The following ARHGAP24 variants were observed in gnomAD, a reference collection of about 807,000 sequenced individuals.
ARHGAP24 encodes rho GTPase-activating protein 24.
In ARHGAP24, 50 loss-of-function variants were observed where a neutral mutation model predicts 76.4. That is an observed-to-expected ratio of 0.65 (90% confidence interval 0.52 to 0.83). The LOEUF (loss-of-function observed/expected upper bound fraction) is 0.83. ARHGAP24 is among the 40% of genes least tolerant of loss of function. The probability of loss-of-function intolerance (pLI) is 0.00; values close to 1 mark genes in which losing one functional copy is unlikely to be tolerated. For synonymous variants in ARHGAP24, 345 were observed against 323.3 expected (o/e 1.07, Z -0.72); for missense variants, 930 against 914.2 (o/e 1.02, Z -0.22).
intron 2 of ARHGAP24, among the ~76,000 whole-genome samples, chr4:85,582,426 C>T (rs1305199595): frequency 6.6e-6 from 1 of 151,982 alleles, no homozygotes; most frequent in Non-Finnish European, 1.5e-5. Flanking sequence ...ACTCTTTAAA[C>T]TGCTTGAGAA....
At chr4:85,797,272 A>C (rs1400142218) in intron 3 of ARHGAP24, among the ~76,000 whole-genome samples, 1 of 151,696 alleles carries the variant, frequency 6.6e-6, no homozygotes, top group Non-Finnish European at 1.5e-5. Context: ...TCCCGGGTTC[A>C]CGCCATTCTC....
chr4:85,636,214 T>C (rs1419936017), intron 2 of ARHGAP24, among the ~76,000 whole-genome samples: 3 of 151,900 alleles, frequency 2.0e-5, no homozygotes, highest in African/African-American at 7.2e-5. Flanking sequence ...TCTCTCTTTA[T>C]TGCCTTCTCA....
At chr4:85,862,698 T>A (rs1402408364) in intron 3 of ARHGAP24, among the ~76,000 whole-genome samples, 3 of 152,126 alleles carry the variant, frequency 2.0e-5, no homozygotes, top group African/African-American at 7.2e-5. Flanking sequence ...AATGCAACTC[T>A]ATGTGCACTC....
intron 3 of ARHGAP24, among the ~76,000 whole-genome samples, chr4:85,853,179 A>G (rs1731336359): frequency 6.6e-6 from 1 of 152,174 alleles, no homozygotes; most frequent in Non-Finnish European, 1.5e-5. Flanking sequence ...AGCCTCAGCA[A>G]TGGTGGACGC....
intron 1 of ARHGAP24, among the ~76,000 whole-genome samples, chr4:85,483,599 C>T (rs1365027094): frequency 2.7e-5 from 4 of 150,674 alleles, no homozygotes; most frequent in African/African-American, 4.9e-5. Context: ...GCAACAAGAG[C>T]GAAACTCCAT....
chr4:85,926,425 A>G (rs749319416), intron 4 of ARHGAP24, among the ~76,000 whole-genome samples: 2 of 152,168 alleles, frequency 1.3e-5, no homozygotes, highest in Non-Finnish European at 2.9e-5. Context: ...ATCCTTTGTG[A>G]TTTCTCTGAA....
chr4:85,565,448 T>C (rs80052743), intron 1 of ARHGAP24, among the ~76,000 whole-genome samples: 2,209 of 152,256 alleles, frequency 0.015, 61 homozygotes, highest in African/African-American at 0.05. Context: ...CTTTGACTGA[T>C]TGAGGGGACA....
chr4:85,677,046 T>TG (rs141693676), intron 2 of ARHGAP24, among the ~76,000 whole-genome samples: 2,460 of 152,258 alleles, frequency 0.016, 75 homozygotes, highest in African/African-American at 0.057. Context: ...GCACTCACAC[T>TG]GGGGGAAAAC....
At chr4:85,513,561 A>T (rs540697309) in intron 1 of ARHGAP24, among the ~76,000 whole-genome samples, 286 of 150,870 alleles carry the variant, frequency 1.9e-3, no homozygotes, top group Middle Eastern at 0.017. Flanking sequence ...CTTTTTTTTA[A>T]AAAAAAAAGC....
At chr4:85,476,739 T>G (rs1291978084) in intron 1 of ARHGAP24, among the ~76,000 whole-genome samples, 1 of 152,212 alleles carries the variant, frequency 6.6e-6, no homozygotes, top group East Asian at 1.9e-4. Context: ...TGGATGACGC[T>G]ATTGAACTGG....
chr4:85,827,636 C>T (rs1408063762), intron 3 of ARHGAP24: 1 of 212,128 alleles, frequency 4.7e-6, no homozygotes, highest in African/African-American at 2.3e-5. Flanking sequence ...TTCAGAATCT[C>T]GAAAGGCAAG....
chr4:85,995,570 G>A lies in ARHGAP24; in HGVS notation c.1916G>A (p.Ser639Asn), dbSNP rs200213078. ...GAGACATTTGTGGGCAACAGCAGCA[G>A]CAACCACAGTGCACTGCACAGTTTA... ...NSETFVGNSS[S>N]NHSALHSLVS... Residue 639 changes from serine (S) to asparagine (N), a missense_variant, in exon 9 of 10, where the codon AGC becomes AAC. Physicochemically the swap from Ser to Asn is conservative, Grantham distance 46. Transcript: ENST00000395184. 206 of 1,613,448 alleles carry A rather than the reference G, an allele frequency of 1.3e-4. 2 individuals carry two copies. In the Admixed American group the frequency reaches 3.4e-3, roughly 27 times the overall value.
chr4:85,495,644 G>T (rs545532461), intron 1 of ARHGAP24, among the ~76,000 whole-genome samples: 336 of 152,154 alleles, frequency 2.2e-3, no homozygotes, highest in African/African-American at 7.7e-3. Context: ...GAGCCACCGT[G>T]CCTGGCCCAG....
rs187754952 is a variant in ARHGAP24, at chr4:85,855,693, G to C, written c.269-67955G>C. Among the ~76,000 whole-genome samples, 611 of 151,794 alleles carry C rather than the reference G, an allele frequency of 4.0e-3. 4 individuals carry two copies. Among genetic ancestry groups the C allele is most frequent in the Middle Eastern group, 6.8e-3 (2 of 292 alleles). ...CTCGGGAGGCTGAGGCAGGAGAATG[G>C]CTTGAACCCAGGAGGTGGAGGTTGC... On this transcript the variant is annotated intron_variant, in intron 3 of 9. Transcript: ENST00000395184.
chr4:85,980,936 A>G (rs539452511), intron 8 of ARHGAP24, among the ~76,000 whole-genome samples: 50 of 152,310 alleles, frequency 3.3e-4, no homozygotes, highest in African/African-American at 1.2e-3. Context: ...CATATTCTTC[A>G]CCACCACGCA....
chr4:85,672,329 T>G (rs1194200356), intron 2 of ARHGAP24, among the ~76,000 whole-genome samples: 1 of 152,216 alleles, frequency 6.6e-6, no homozygotes, highest in Non-Finnish European at 1.5e-5. Context: ...TTAACTTCTG[T>G]TTCCTTTTAG....
intron 2 of ARHGAP24, among the ~76,000 whole-genome samples, chr4:85,701,855 G>A (rs187826939): frequency 6.6e-6 from 1 of 152,022 alleles, no homozygotes; most frequent in Non-Finnish European, 1.5e-5. Context: ...GGAAACATAT[G>A]GTAAATGGAT....
chr4:85,941,356 T>C (rs1364439799), intron 4 of ARHGAP24, among the ~76,000 whole-genome samples: 1 of 152,206 alleles, frequency 6.6e-6, no homozygotes, highest in Non-Finnish European at 1.5e-5. Context: ...TTCTTTTTAT[T>C]GCCACCCTGT....
Position 85,570,996 on chromosome 4 carries a change from G to C in ARHGAP24, c.180+275G>C, listed in dbSNP as rs1226718662. ...ACTTCCTCTGGCAAACTTAGTTCATGAGAAAATTTTAGTAGACATCTGCTA... is the reference window on the plus strand; with the variant it reads ...ACTTCCTCTGGCAAACTTAGTTCATCAGAAAATTTTAGTAGACATCTGCTA... On this transcript the variant is annotated intron_variant, in intron 2 of 9. Transcript: ENST00000395184. 3 of 320,288 alleles carry C rather than the reference G, an allele frequency of 9.4e-6. No individual in the cohort carries two copies. The East Asian group carries it at 1.8e-4, about 20-fold the overall frequency. The allele number at this position is 320,288 out of a possible 1,614,324, so 19.8% of individuals were successfully genotyped here.
Sources: allele counts gnomAD v4.1 joint callset (sites outside exome capture counted in the v4.1 genomes callset), GRCh38; gene constraint gnomAD v4.1.1; transcripts MANE v1.5; gene names NCBI Gene and HGNC (gene_info 2026-07-23, HGNC 2026-07-21).